Variants in KCNB2 observed in about 807,000 individuals in gnomAD.
The protein encoded by KCNB2 is delayed rectifier potassium channel protein.
KCNB2 carries 15 observed loss-of-function variants against 61.5 expected under a neutral mutation model. The observed-to-expected ratio is 0.24, with a 90% CI of 0.16 to 0.38. The LOEUF (loss-of-function observed/expected upper bound fraction) is 0.38. Among genes scored for constraint, KCNB2 ranks in the 10% least tolerant of loss-of-function variants. The pLI is 1.00. For synonymous variants in KCNB2, 457 were observed against 446.0 expected (o/e 1.02, Z -0.31); for missense variants, 828 against 1,125.2 (o/e 0.74, Z 3.78).
Position 72,754,293 on chromosome 8 carries a change from A to G in KCNB2, c.580-181642A>G, listed in dbSNP as rs143047927. ...CAAAGCCTGGAAGGGGACCTTGAGT[A>G]TGGACAGAGAGAATGCCAGGAGAAG... On this transcript the variant is annotated intron_variant, in intron 2 of 2. Transcript: ENST00000523207. 1.7e-3 allele frequency among the ~76,000 whole-genome samples: 253 copies of G among 152,316 alleles called. 2 individuals are homozygous for G. The East Asian group carries it at 0.029, about 17-fold the overall frequency.
At chr8:72,539,952 G>T (rs71525175) in intron 1 of KCNB2, among the ~76,000 whole-genome samples, 1 of 152,100 alleles carries the variant, frequency 6.6e-6, no homozygotes, top group Admixed American at 6.5e-5. Flanking sequence ...CTAGAATAAC[G>T]AAATGGCAGG....
intron 2 of KCNB2, among the ~76,000 whole-genome samples, chr8:72,919,103 G>T (rs1227283250): frequency 6.6e-6 from 1 of 152,210 alleles, no homozygotes; most frequent in Non-Finnish European, 1.5e-5. Flanking sequence ...CTCCAAAGGA[G>T]ATATACATCT....
At chr8:72,735,794 C>T (rs1807834368) in intron 2 of KCNB2, among the ~76,000 whole-genome samples, 1 of 152,006 alleles carries the variant, frequency 6.6e-6, no homozygotes, top group East Asian at 1.9e-4. Context: ...ATTGCCAGTC[C>T]CTTAGTCTTT....
At chr8:72,717,918 A>G (rs1362140205) in intron 2 of KCNB2, among the ~76,000 whole-genome samples, 3 of 152,348 alleles carry the variant, frequency 2.0e-5, no homozygotes, top group South Asian at 4.1e-4. Flanking sequence ...TCCTCATCTG[A>G]CAAAGGGCTA....
At chr8:72,828,768 TAC>T (rs1353102799) in intron 2 of KCNB2, among the ~76,000 whole-genome samples, 1 of 152,236 alleles carries the variant, frequency 6.6e-6, no homozygotes, top group African/African-American at 2.4e-5. Flanking sequence ...GAAAGTCCTT[TAC>T]ACTACTTACC....
chr8:72,816,007 G>A (rs1443899933), intron 2 of KCNB2, among the ~76,000 whole-genome samples: 1 of 152,050 alleles, frequency 6.6e-6, no homozygotes, highest in Non-Finnish European at 1.5e-5. Flanking sequence ...AAAGATTAAG[G>A]TTTTTGTAAT....
intron 2 of KCNB2, among the ~76,000 whole-genome samples, chr8:72,838,650 T>C (rs1809824428): frequency 6.6e-6 from 1 of 152,330 alleles, no homozygotes; most frequent in Admixed American, 6.5e-5. Context: ...CTGCGTCAAA[T>C]GGTATTTGTA....
intron 2 of KCNB2, among the ~76,000 whole-genome samples, chr8:72,589,070 C>T (rs1807046847): frequency 6.6e-6 from 1 of 152,074 alleles, no homozygotes; most frequent in African/African-American, 2.4e-5. Flanking sequence ...GAAAACATAC[C>T]AACAAGGAGA....
chr8:72,895,971 T>C (rs6994225), intron 2 of KCNB2, among the ~76,000 whole-genome samples: 56,418 of 152,078 alleles, frequency 0.37, 11,889 homozygotes, highest in African/African-American at 0.57. Context: ...TTTAAGTTGT[T>C]ATTTACAGCT....
chr8:72,619,230 A>G (rs1441698595), intron 2 of KCNB2: 1 of 591,176 alleles, frequency 1.7e-6, no homozygotes, highest in African/African-American at 1.9e-5. Context: ...CTAGTGAGGT[A>G]TCTTTAGTTT....
At chr8:72,686,912 TC>T (rs1358637150) in intron 2 of KCNB2, among the ~76,000 whole-genome samples, 2 of 152,172 alleles carry the variant, frequency 1.3e-5, no homozygotes, top group Non-Finnish European at 2.9e-5. Context: ...ATGGTCTTCT[TC>T]CAAGCTGGAT....
intron 2 of KCNB2, among the ~76,000 whole-genome samples, chr8:72,725,516 T>A (rs1449900660): frequency 3.8e-5 from 2 of 52,674 alleles, no homozygotes; most frequent in Non-Finnish European, 3.8e-5. Flanking sequence ...TCTTCATATA[T>A]ATATATATAT....
At chr8:72,761,656 C>A (rs1212518344) in intron 2 of KCNB2, among the ~76,000 whole-genome samples, 1 of 152,162 alleles carries the variant, frequency 6.6e-6, no homozygotes, top group African/African-American at 2.4e-5. Flanking sequence ...GACAAGAATA[C>A]CATCTTGCTT....
At position 72,714,071 on chromosome 8, in the gene KCNB2, C is replaced by T. The variant is rs143741939; in HGVS notation, c.579+145758C>T. On this transcript the variant is annotated intron_variant, in intron 2 of 2. Transcript: ENST00000523207. The stretch of plus-strand genomic sequence containing the variant: ...AAGAAATTGTATCAGCAATGGAAGA[C>T]GAAATGAATGAAATGAAGCGTGAAG... Among the ~76,000 whole-genome samples, 258 of 151,834 alleles carry T rather than the reference C, an allele frequency of 1.7e-3. 1 individual carries two copies. The highest frequency in any genetic ancestry group is 0.016 in the East Asian group (84 of 5,168).
intron 2 of KCNB2, among the ~76,000 whole-genome samples, chr8:72,778,661 G>A (rs1411398575): frequency 7.3e-6 from 1 of 137,634 alleles, no homozygotes; most frequent in Non-Finnish European, 1.5e-5. Context: ...CTTGAGCCCA[G>A]GAGGTCAAGG....
At chr8:72,772,463 G>C (rs1474468245) in intron 2 of KCNB2, among the ~76,000 whole-genome samples, 1 of 152,160 alleles carries the variant, frequency 6.6e-6, no homozygotes, top group South Asian at 2.1e-4. Context: ...CTGGGTTAAG[G>C]GGGTAGCTCC....
At chr8:72,933,872 T>G (rs2129009210) in intron 2 of KCNB2, among the ~76,000 whole-genome samples, 1 of 152,352 alleles carries the variant, frequency 6.6e-6, no homozygotes, top group Admixed American at 6.5e-5. Flanking sequence ...TGATCCATAT[T>G]TTTAAAGAAA....
At chr8:72,553,284 C>T (rs181524995) in intron 1 of KCNB2, among the ~76,000 whole-genome samples, 4 of 152,166 alleles carry the variant, frequency 2.6e-5, no homozygotes, top group African/African-American at 9.6e-5. Context: ...TGCTTTTAAT[C>T]CTTTGAAATT....
chr8:72,806,775 T>C (rs1454830916), intron 2 of KCNB2, among the ~76,000 whole-genome samples: 4 of 152,122 alleles, frequency 2.6e-5, no homozygotes, highest in African/African-American at 9.7e-5. Flanking sequence ...TGGACAAGGA[T>C]GGGTCTTTAA....
Sources: allele counts gnomAD v4.1 joint callset (sites outside exome capture counted in the v4.1 genomes callset), GRCh38; gene constraint gnomAD v4.1.1; transcripts MANE v1.5; gene names NCBI Gene and HGNC (gene_info 2026-07-23, HGNC 2026-07-21).